EXTL3: variants seen among roughly 807,000 people sequenced by gnomAD.
The protein encoded by EXTL3 is exostosin like glycosyltransferase 3.
In EXTL3, 27 loss-of-function variants were observed where a neutral mutation model predicts 69.3. The observed-to-expected ratio is 0.39, with a 90% CI of 0.29 to 0.54. The LOEUF (loss-of-function observed/expected upper bound fraction) is 0.54. Among genes scored for constraint, EXTL3 ranks in the 20% least tolerant of loss-of-function variants. The pLI, the probability that EXTL3 is intolerant of heterozygous loss-of-function variation, is 0.69. For missense variants in EXTL3, 1,003 were observed against 1,231.8 expected (o/e 0.81, Z 2.78); for synonymous variants, 511 against 499.4 (o/e 1.02, Z -0.31).
At chr8:28,695,614 TTC>T (rs1383385740) in intron 1 of EXTL3, among the ~76,000 whole-genome samples, 1 of 152,214 alleles carries the variant, frequency 6.6e-6, no homozygotes, top group African/African-American at 2.4e-5. Context: ...TGCCCAGAAA[TTC>T]TTTCTTGCAA....
chr8:28,731,624 TC>T (rs1340888851), intron 4 of EXTL3, among the ~76,000 whole-genome samples: 2 of 152,198 alleles, frequency 1.3e-5, no homozygotes, highest in African/African-American at 2.4e-5. Context: ...ACCTGCCTGT[TC>T]CTGGTGCTGC....
intron 1 of EXTL3, among the ~76,000 whole-genome samples, chr8:28,652,686 C>CAT (rs3051956): frequency 0.23 from 34,583 of 149,040 alleles, 4,223 homozygotes; most frequent in Non-Finnish European, 0.28. Flanking sequence ...TATATATAGC[C>CAT]ATATATATAT....
chr8:28,610,147 G>A (rs2130528690), intron 2 of EXTL3, among the ~76,000 whole-genome samples: 1 of 152,148 alleles, frequency 6.6e-6, no homozygotes, highest in South Asian at 2.1e-4. Flanking sequence ...AGGTTGCAGT[G>A]AGCCAAGATC....
intron 1 of EXTL3, among the ~76,000 whole-genome samples, chr8:28,664,358 A>G (rs1807161419): frequency 6.6e-6 from 1 of 150,490 alleles, no homozygotes; most frequent in Non-Finnish European, 1.5e-5. Flanking sequence ...GCAGAGACAG[A>G]ATCTTTCTTT....
chr8:28,732,886 C>G (rs2130775667), intron 4 of EXTL3, among the ~76,000 whole-genome samples: 1 of 152,212 alleles, frequency 6.6e-6, no homozygotes, highest in East Asian at 1.9e-4. Context: ...ACCACCATGC[C>G]AAGCTAATTT....
rs1419747026 is a variant in EXTL3, at chr8:28,717,355, C to A, written c.1296C>A (p.Leu432=). Residue 432 remains leucine (L), a synonymous_variant, in exon 3 of 7, where the codon CTC becomes CTA. Transcript: ENST00000220562. The surrounding 1 kb of genome is among the most constrained non-coding windows in gnomAD (Gnocchi z 8.3). ...TGCTGAAGCTCTCCACCTTCGCCCT[C>A]ATCATTACCCCCGGGGACCCTCGCT... ...LELLKLSTFA[L]IITPGDPRLV... 4 of 1,614,210 alleles carry A rather than the reference C, an allele frequency of 2.5e-6. No homozygotes were observed. Among genetic ancestry groups the A allele is most frequent in the Non-Finnish European group, 3.4e-6 (4 of 1,180,042 alleles).
chr8:28,722,981 G>T (rs1269971550), intron 3 of EXTL3, among the ~76,000 whole-genome samples: 1 of 152,076 alleles, frequency 6.6e-6, no homozygotes, highest in Non-Finnish European at 1.5e-5. Flanking sequence ...TGCATCCGTA[G>T]TGCACTCTTG....
chr8:28,665,611 C>T (rs1807184849), intron 1 of EXTL3, among the ~76,000 whole-genome samples: 1 of 151,736 alleles, frequency 6.6e-6, no homozygotes, highest in Non-Finnish European at 1.5e-5. Context: ...GCGGTCTCAC[C>T]ATGTTGCCCA....
chr8:28,641,977 A>T (rs1806750782), intron 1 of EXTL3, among the ~76,000 whole-genome samples: 2 of 152,060 alleles, frequency 1.3e-5, no homozygotes, highest in African/African-American at 4.8e-5. Flanking sequence ...CTGGGACTAC[A>T]GGTGCCCAAC....
intron 1 of EXTL3, among the ~76,000 whole-genome samples, chr8:28,663,474 A>G (rs1373577891): frequency 6.6e-6 from 1 of 151,924 alleles, no homozygotes; most frequent in Non-Finnish European, 1.5e-5. Flanking sequence ...TTTATTTGTG[A>G]TGGTGTCTCG....
At chr8:28,621,083 G>A (rs1806404215), upstream of EXTL3, among the ~76,000 whole-genome samples, 1 of 152,128 alleles carries the variant, frequency 6.6e-6, no homozygotes, top group Non-Finnish European at 1.5e-5. Flanking sequence ...CATTCAGTGT[G>A]TGTGATTTTC....
chr8:28,703,336 G>C (rs1800851776), intron 1 of EXTL3, among the ~76,000 whole-genome samples: 1 of 152,204 alleles, frequency 6.6e-6, no homozygotes, highest in African/African-American at 2.4e-5. Flanking sequence ...TTGGTGTGTA[G>C]TTGGGATCTT....
At chr8:28,692,972 T>G (rs902417326) in intron 1 of EXTL3, among the ~76,000 whole-genome samples, 2 of 152,176 alleles carry the variant, frequency 1.3e-5, no homozygotes, top group African/African-American at 4.8e-5. Flanking sequence ...GAGCACATTT[T>G]TGCTACTCAC....
rs145897819 is a variant in EXTL3 at position 28,719,563 on chromosome 8, T to C, written c.2148+1356T>C. ...GCTGCTAATCTTTTTTTAAATTTAA[T>C]TGAATTTATAATTAGAAGCTATTCA... is the stretch of plus-strand genomic sequence containing the variant. On this transcript the variant is annotated intron_variant, in intron 3 of 6. Transcript: ENST00000220562. Among the ~76,000 whole-genome samples, 810 of 152,368 alleles carry C rather than the reference T, an allele frequency of 5.3e-3. 7 individuals are homozygous for C. The highest frequency in any genetic ancestry group is 0.018 in the African/African-American group (764 of 41,582).
At chr8:28,639,735 G>T (rs1806714089) in intron 1 of EXTL3, among the ~76,000 whole-genome samples, 1 of 152,230 alleles carries the variant, frequency 6.6e-6, no homozygotes, top group South Asian at 2.1e-4. Flanking sequence ...TCATACTGAA[G>T]TATGTATATA....
intron 1 of EXTL3, among the ~76,000 whole-genome samples, chr8:28,707,391 T>C (rs561606439): frequency 6.6e-6 from 1 of 152,220 alleles, no homozygotes; most frequent in Non-Finnish European, 1.5e-5. Context: ...ATGAAATGTA[T>C]GTGTGAAGTG....
chr8:28,640,239 G>A (rs756326252), intron 1 of EXTL3, among the ~76,000 whole-genome samples: 73 of 152,294 alleles, frequency 4.8e-4, no homozygotes, highest in Non-Finnish European at 7.1e-4. Flanking sequence ...ACCATAAAAT[G>A]AGATGCAATT....
At chr8:28,619,288 AAAAAAAAAAAAAAAAAAAAAAAAAAAAC>A (rs1806373819), upstream of EXTL3, among the ~76,000 whole-genome samples, 1 of 67,606 alleles carries the variant, frequency 1.5e-5, no homozygotes, top group Non-Finnish European at 3.2e-5. Flanking sequence ...AAAAAAAAAA[AAAAAAAAAAAAAAAAAAAAAAAAAAAAC>A]CCTGTGTGAG....
intron 3 of EXTL3, among the ~76,000 whole-genome samples, chr8:28,718,453 A>G (rs769533462): frequency 9.8e-5 from 15 of 152,298 alleles, no homozygotes; most frequent in East Asian, 1.9e-4. Flanking sequence ...AACTGATTTT[A>G]TATTCAATAT....
Sources: allele counts gnomAD v4.1 joint callset (sites outside exome capture counted in the v4.1 genomes callset), GRCh38; gene constraint gnomAD v4.1.1; non-coding constraint Gnocchi (gnomAD v3.1); transcripts MANE v1.5; gene names NCBI Gene and HGNC (gene_info 2026-07-23, HGNC 2026-07-21).